FHIT: variants seen among roughly 807,000 people sequenced by gnomAD.
FHIT encodes the protein fragile histidine triad diadenosine triphosphatase.
A neutral mutation model predicts 17.9 loss-of-function variants in FHIT; 19 were observed. The observed-to-expected ratio is 1.06, with a 90% CI of 0.74 to 1.56. FHIT has a LOEUF of 1.56. Ranked by LOEUF, FHIT falls within the 40% of genes most tolerant of loss-of-function variation. FHIT has a pLI of 0.00. For synonymous variants in FHIT, 81 were observed against 69.7 expected (o/e 1.16, Z -0.81); for missense variants, 248 against 189.2 (o/e 1.31, Z -1.82).
intron 3 of FHIT, among the ~76,000 whole-genome samples, chr3:60,836,497 A>T (rs1302151756): frequency 1.3e-5 from 2 of 152,122 alleles, no homozygotes; most frequent in Admixed American, 1.3e-4. Flanking sequence ...GGTGAATGGT[A>T]GGAATTTGTG....
intron 8 of FHIT, among the ~76,000 whole-genome samples, chr3:59,823,699 A>G (rs1700876606): frequency 6.6e-6 from 1 of 152,190 alleles, no homozygotes; most frequent in Non-Finnish European, 1.5e-5. Flanking sequence ...GGCATACCTC[A>G]ATGTCATAAC....
intron 5 of FHIT, among the ~76,000 whole-genome samples, chr3:60,196,170 T>G (rs953754071): frequency 3.3e-5 from 5 of 152,160 alleles, no homozygotes; most frequent in African/African-American, 1.2e-4. Flanking sequence ...TCCTATCGTT[T>G]TGGAAGTCAG....
chr3:61,154,400 G>GA (rs1189848726), intron 2 of FHIT, among the ~76,000 whole-genome samples: 1 of 151,538 alleles, frequency 6.6e-6, no homozygotes, highest in Non-Finnish European at 1.5e-5. Flanking sequence ...AGAAAGGGGG[G>GA]AAAAACCCCT....
At chr3:60,789,372 G>T (rs527365270) in intron 4 of FHIT, among the ~76,000 whole-genome samples, 1 of 152,134 alleles carries the variant, frequency 6.6e-6, no homozygotes, top group South Asian at 2.1e-4. Flanking sequence ...CAAAAAATTA[G>T]CTGCGCATGG....
chr3:60,919,168 G>C (rs528297323), intron 3 of FHIT, among the ~76,000 whole-genome samples: 28 of 152,234 alleles, frequency 1.8e-4, no homozygotes, highest in African/African-American at 6.5e-4. Context: ...TAAGGATTCT[G>C]GAAAATATTC....
At position 60,457,606 on chromosome 3, in the gene FHIT, C is replaced by G. The variant is rs199918144; in HGVS notation, c.103+79254G>C. On this transcript the variant is annotated intron_variant, in intron 5 of 9. Coordinates refer to ENST00000492590, the MANE Select transcript of FHIT (RefSeq NM_002012.4). ...GGGATCCAATTAAACTAAAGAGCTT[C>G]TGCACAGCAAAAGAATCTACCATCA... Among the ~76,000 whole-genome samples the G allele has an allele frequency of 1.9e-4, 29 of 152,210 alleles. No individual in the cohort carries two copies. In the East Asian group the frequency reaches 5.4e-3, roughly 28 times the overall value.
intron 7 of FHIT, among the ~76,000 whole-genome samples, chr3:60,003,085 G>T (rs1325270650): frequency 6.6e-6 from 1 of 152,136 alleles, no homozygotes; most frequent in South Asian, 2.1e-4. Context: ...GGGGCCCTTG[G>T]TTTTTCTTTT....
chr3:60,837,057 C>A lies in FHIT; in HGVS notation c.-110-15046G>T, dbSNP rs1039071442. Among the ~76,000 whole-genome samples the A allele has an allele frequency of 3.9e-5, 6 of 152,098 alleles. 1 individual carries two copies. The highest frequency in any genetic ancestry group is 7.3e-5 in the Non-Finnish European group (5 of 68,028). On this transcript the variant is annotated intron_variant, in intron 3 of 9. Transcript: ENST00000492590. Reference sequence around the variant, plus strand: ...AGCCATGGCCAGGTTTTTAACTAGCCACTTTGAAGTAATCTCTGGAATTTT... The same window carrying A: ...AGCCATGGCCAGGTTTTTAACTAGCAACTTTGAAGTAATCTCTGGAATTTT...
At chr3:60,817,220 CACAAG>C (rs1553738002) in intron 4 of FHIT, among the ~76,000 whole-genome samples, 2 of 151,908 alleles carry the variant, frequency 1.3e-5, no homozygotes, top group South Asian at 4.2e-4. Context: ...TTATAAACAC[CACAAG>C]ACAATGTTAT....
intron 5 of FHIT, among the ~76,000 whole-genome samples, chr3:60,395,397 G>C (rs1479075801): frequency 6.6e-6 from 1 of 152,122 alleles, no homozygotes; most frequent in Non-Finnish European, 1.5e-5. Flanking sequence ...TTGTTCAAAG[G>C]CACCCAGCTT....
At chr3:59,923,311 G>A (rs1243718698) in intron 7 of FHIT, among the ~76,000 whole-genome samples, 2 of 151,678 alleles carry the variant, frequency 1.3e-5, no homozygotes, top group African/African-American at 4.9e-5. Context: ...TCAATGTTCG[G>A]TGAGGACAGG....
intron 4 of FHIT, among the ~76,000 whole-genome samples, chr3:60,577,022 C>G (rs578188919): frequency 1.3e-5 from 2 of 151,188 alleles, no homozygotes; most frequent in African/African-American, 2.4e-5. Context: ...TTCAACTTGT[C>G]GATCATCACC....
At chr3:61,029,721 TTCTTTTGGTGG>T (rs1437316898) in intron 3 of FHIT, among the ~76,000 whole-genome samples, 2 of 152,240 alleles carry the variant, frequency 1.3e-5, no homozygotes, top group African/African-American at 4.8e-5. Flanking sequence ...GAATTTTTTT[TTCTTTTGGTGG>T]TCTTTTGGGC....
chr3:59,920,083 G>A (rs928094799), intron 8 of FHIT, among the ~76,000 whole-genome samples: 1 of 152,130 alleles, frequency 6.6e-6, no homozygotes, highest in Non-Finnish European at 1.5e-5. Flanking sequence ...CTTTGAATCT[G>A]GTTCTCTATT....
chr3:60,707,411 T>G (rs9826570), intron 4 of FHIT, among the ~76,000 whole-genome samples: 16,936 of 152,246 alleles, frequency 0.11, 2,059 homozygotes, highest in African/African-American at 0.3. Context: ...GAGATGAACT[T>G]AACAGAGTAT....
intron 4 of FHIT, among the ~76,000 whole-genome samples, chr3:60,716,990 C>A (rs189538018): frequency 1.3e-5 from 2 of 152,300 alleles, no homozygotes; most frequent in African/African-American, 4.8e-5. Flanking sequence ...ATCTTGCCAT[C>A]TGCAACACGA....
intron 5 of FHIT, among the ~76,000 whole-genome samples, chr3:60,276,888 A>G (rs213352): frequency 0.18 from 27,913 of 152,056 alleles, 2,749 homozygotes; most frequent in South Asian, 0.35. Context: ...CTGAGAACAA[A>G]CTCACTCATT....
intron 4 of FHIT, among the ~76,000 whole-genome samples, chr3:60,657,941 A>T (rs2040155836): frequency 6.6e-6 from 1 of 152,174 alleles, no homozygotes; most frequent in Non-Finnish European, 1.5e-5. Flanking sequence ...GTGGTAAAAC[A>T]TACATAACAT....
At chr3:59,830,099 C>T (rs1701114758) in intron 8 of FHIT, among the ~76,000 whole-genome samples, 1 of 151,854 alleles carries the variant, frequency 6.6e-6, no homozygotes, top group South Asian at 2.1e-4. Flanking sequence ...AAACAACCCC[C>T]CCCTCAAAAG....
Sources: allele counts gnomAD v4.1 joint callset (sites outside exome capture counted in the v4.1 genomes callset), GRCh38; gene constraint gnomAD v4.1.1; transcripts MANE v1.5; gene names NCBI Gene and HGNC (gene_info 2026-07-23, HGNC 2026-07-21).